Variants in ARHGAP8 observed in about 807,000 individuals in gnomAD.
The protein encoded by ARHGAP8 is rho GTPase-activating protein 8.
Under a neutral mutation model 46.1 loss-of-function variants are expected in ARHGAP8, and 62 were observed. The ratio of observed to expected loss-of-function variants is 1.34; its 90% CI spans 1.10 to 1.66. ARHGAP8 has a LOEUF of 1.66. ARHGAP8 is among the 40% of genes most tolerant of loss of function. The pLI is 0.00. For synonymous variants in ARHGAP8, 375 were observed against 243.1 expected, an observed-to-expected ratio of 1.54 and a Z score of -5.05; for missense variants, 923 against 568.4, an observed-to-expected ratio of 1.62 and a Z score of -6.34.
chr22:44,821,459 A>G (rs1177440798), intron 5 of ARHGAP8, among the ~76,000 whole-genome samples: 1 of 152,172 alleles, frequency 6.6e-6, no homozygotes, highest in Non-Finnish European at 1.5e-5. Flanking sequence ...TCTTAAACAT[A>G]TACAATAAAG....
intron 1 of ARHGAP8, among the ~76,000 whole-genome samples, chr22:44,774,307 G>A (rs1569137968): frequency 6.6e-6 from 1 of 152,174 alleles, no homozygotes; most frequent in African/African-American, 2.4e-5. Context: ...CCAAGATGTA[G>A]TGAACTTCCT....
intron 3 of ARHGAP8, among the ~76,000 whole-genome samples, chr22:44,804,955 A>T (rs1290266937): frequency 6.6e-6 from 1 of 151,994 alleles, no homozygotes; most frequent in Non-Finnish European, 1.5e-5. Context: ...TCATGGGGCG[A>T]GCTTGGATCC....
intron 1 of ARHGAP8, among the ~76,000 whole-genome samples, chr22:44,756,169 G>A (rs1602133375): frequency 6.6e-6 from 1 of 152,152 alleles, no homozygotes; most frequent in South Asian, 2.1e-4. Context: ...CTGTCCAGAA[G>A]GAACTGGTTG....
At position 44,811,387 on chromosome 22, in the gene ARHGAP8, A is replaced by AT; in HGVS notation, c.299+2950dup. On this transcript the variant is annotated intron_variant, in intron 4 of 11. Transcript: ENST00000356099. ...AGAGCTCTCACATTGAAGGGCGTTG[A>AT]TAAGTGGAGCCACGCAGGTGGAGAG... Among the ~76,000 whole-genome samples the AT allele has an allele frequency of 2.6e-5, 4 of 152,352 alleles. 1 individual carries two copies. The highest frequency in any genetic ancestry group is 9.6e-5 in the African/African-American group (4 of 41,596).
At chr22:44,759,222 A>G (rs896926964) in intron 1 of ARHGAP8, among the ~76,000 whole-genome samples, 1 of 152,168 alleles carries the variant, frequency 6.6e-6, no homozygotes, top group Non-Finnish European at 1.5e-5. Context: ...GGGTTGGCTG[A>G]GTGCAGAGAC....
Position 44,822,331 on chromosome 22 carries a change from C to A in ARHGAP8, c.387-40C>A, listed in dbSNP as rs12167371. 8.8e-5 allele frequency: 137 copies of A among 1,549,682 alleles called. 3 individuals are homozygous for A. In the South Asian group the frequency reaches 1.5e-3, roughly 17 times the overall value. On this transcript the variant is annotated intron_variant, in intron 5 of 11. Coordinates refer to ENST00000356099, the MANE Select transcript of ARHGAP8 (RefSeq NM_181335.3). ...CTGCAACCCTCGGCCTCTCTGCTGG[C>A]GCCTAATCGTTCTTTATTCTCTTGC... is the stretch of plus-strand genomic sequence containing the variant.
At chr22:44,833,905 GTTCAT>G (rs960019956) in intron 7 of ARHGAP8, among the ~76,000 whole-genome samples, 1 of 152,032 alleles carries the variant, frequency 6.6e-6, no homozygotes, top group Non-Finnish European at 1.5e-5. Flanking sequence ...CCAGGAATTT[GTTCAT>G]TTCGTCTAGG....
chr22:44,814,691 G>C lies in ARHGAP8; in HGVS notation c.319G>C (p.Ala107Pro), dbSNP rs536804543. ...CCTCAGGTACAAGAAGAACTTGAAG[G>C]CCCTCTACGTGGTGCACCCCACCAG... ...FDRKYKKNLK[A>P]LYVVHPTSFI... The change falls in exon 5 of 12, where the codon GCC becomes CCC. Residue 107 changes from alanine to proline, a missense_variant. Coordinates refer to ENST00000356099, the MANE Select transcript of ARHGAP8 (RefSeq NM_181335.3). 4 of 1,613,924 alleles carry C rather than the reference G, an allele frequency of 2.5e-6. No homozygotes were observed. The highest frequency in any genetic ancestry group is 3.4e-6 in the Non-Finnish European group (4 of 1,179,922).
Position 44,845,332 on chromosome 22 carries a change from G to A in ARHGAP8, c.660G>A (p.Leu220=), listed in dbSNP as rs1181646352. The change falls in exon 8 of 12, where the codon CTG becomes CTA. Residue 220 remains leucine (L), a synonymous_variant. Coordinates refer to ENST00000356099, the MANE Select transcript of ARHGAP8 (RefSeq NM_181335.3). ...PPVLRFTVTY[L]REKGLRTEGL... is the part of the protein sequence containing the mutation. ...TGCTGAGGTTCACAGTGACGTACCT[G>A]AGAGAGAAAGGTGAGACGGGGCCGG... 3.1e-6 allele frequency: 5 copies of A among 1,614,130 alleles called. No individual in the cohort carries two copies. The East Asian group carries it at 1.1e-4, about 36-fold the overall frequency.
In ARHGAP8 at chr22:44,808,340, G is replaced by A. The variant is rs770528726; in HGVS notation, c.201G>A (p.Glu67=). Residue 67 remains glutamate, a synonymous_variant, in exon 4 of 12, where the codon GAG becomes GAA. Coordinates refer to ENST00000356099, the MANE Select transcript of ARHGAP8 (RefSeq NM_181335.3). ...YLKYTLDQYV[E]NDYTIVYFHY... is the part of the protein sequence containing the mutation. ...AGTACACACTGGACCAATACGTTGA[G>A]AACGATTATACCATCGTCTATTTCC... The A allele has an allele frequency of 8.7e-6, 14 of 1,614,242 alleles. No individual in the cohort carries two copies. The East Asian group carries it at 3.1e-4, about 36-fold the overall frequency.
chr22:44,786,542 T>TGTAGACATGTGCCACCACG lies in ARHGAP8; in HGVS notation c.15_16insGTAGACATGTGCCACCACG (p.Pro6ValfsTer30). On this transcript the variant is annotated frameshift_variant, in exon 2 of 12. Transcript: ENST00000356099. LOFTEE classifies it high-confidence loss of function. ...CGGTGGTGCCCATGGCTGGCCAGGA[T>TGTAGACATGTGCCACCACG]CCTGCGCTGAGCACGAGTCACCCGT... is the stretch of plus-strand genomic sequence containing the variant. 1 of 1,612,634 alleles carries TGTAGACATGTGCCACCACG rather than the reference T, an allele frequency of 6.2e-7. No individual in the cohort carries two copies. The highest frequency in any genetic ancestry group is 8.5e-7 in the Non-Finnish European group (1 of 1,179,590).
intron 1 of ARHGAP8, among the ~76,000 whole-genome samples, chr22:44,764,168 A>AAGAGTC (rs1410201643): frequency 2.0e-5 from 3 of 152,126 alleles, no homozygotes; most frequent in Non-Finnish European, 2.9e-5. Flanking sequence ...ACAACTCCCG[A>AAGAGTC]AGAGTCAGAG....
intron 4 of ARHGAP8, among the ~76,000 whole-genome samples, chr22:44,811,831 A>G (rs1489840141): frequency 6.6e-6 from 1 of 152,018 alleles, no homozygotes; most frequent in Admixed American, 6.6e-5. Flanking sequence ...CCCCATCTCT[A>G]CTAAAAATAC....
At chr22:44,778,002 A>T (rs199649138) in intron 1 of ARHGAP8, among the ~76,000 whole-genome samples, 85 of 42,888 alleles carry the variant, frequency 2.0e-3, no homozygotes, top group South Asian at 0.017. Context: ...GGACTATTTT[A>T]TTTATTTATT....
At chr22:44,858,995 G>C (rs549180051) in intron 10 of ARHGAP8, among the ~76,000 whole-genome samples, 1 of 151,806 alleles carries the variant, frequency 6.6e-6, no homozygotes, top group Non-Finnish European at 1.5e-5. Context: ...CAAAATGTCC[G>C]TGGCTGTGTT....
At chr22:44,843,085 G>A (rs1240630890) in intron 7 of ARHGAP8, among the ~76,000 whole-genome samples, 1 of 152,174 alleles carries the variant, frequency 6.6e-6, no homozygotes, top group Non-Finnish European at 1.5e-5. Flanking sequence ...AACCCCTCAC[G>A]AGGCCAGCTG....
rs201867796 is a variant in ARHGAP8 at position 44,814,687 on chromosome 22, G to T, written c.315G>T (p.Leu105Phe). The T allele has an allele frequency of 4.6e-5, 75 of 1,613,970 alleles. No homozygotes were observed. The East Asian group carries it at 1.6e-3, about 34-fold the overall frequency. Reference sequence around the variant, plus strand: ...CCCTCCTCAGGTACAAGAAGAACTTGAAGGCCCTCTACGTGGTGCACCCCA... The same window carrying T: ...CCCTCCTCAGGTACAAGAAGAACTTTAAGGCCCTCTACGTGGTGCACCCCA... Reference protein sequence around the residue: ...KEFDRKYKKNLKALYVVHPTS... With the variant: ...KEFDRKYKKNFKALYVVHPTS... The change falls in exon 5 of 12, where the codon TTG (leucine) becomes TTT (phenylalanine). Residue 105 changes from leucine to phenylalanine, a missense_variant. Leu to Phe is a conservative substitution (Grantham distance 22, BLOSUM62 0). Transcript: ENST00000356099.
intron 5 of ARHGAP8, among the ~76,000 whole-genome samples, chr22:44,821,004 A>G (rs1257368009): frequency 1.3e-5 from 2 of 152,256 alleles, no homozygotes; most frequent in Non-Finnish European, 2.9e-5. Flanking sequence ...CACAAAATAA[A>G]CGACATTGAA....
rs114159885 is a variant in ARHGAP8, at chr22:44,814,805, C to A, written c.386+47C>A. The stretch of plus-strand genomic sequence containing the variant: ...GACCTCGCTGGGGTTGGAGGTTTCA[C>A]CCCTCAGGGTCCATGGGACGGCCTT... On this transcript the variant is annotated intron_variant, in intron 5 of 11. Coordinates refer to ENST00000356099, the MANE Select transcript of ARHGAP8 (RefSeq NM_181335.3). 13 of 1,601,318 alleles carry A rather than the reference C, an allele frequency of 8.1e-6. No homozygotes were observed. In the African/African-American group the frequency reaches 1.3e-4, roughly 16 times the overall value.
Sources: gnomAD v4.1 joint callset for allele counts (sites outside exome capture counted in the v4.1 genomes callset) on GRCh38, gnomAD v4.1.1 for gene constraint, MANE v1.5 for transcripts, NCBI Gene and HGNC (gene_info 2026-07-23, HGNC 2026-07-21) for gene names.